Variants in FGF14 observed in about 807,000 individuals in gnomAD.
FGF14 encodes fibroblast growth factor homologous factor 4.
In FGF14, 5 loss-of-function variants were observed where a neutral mutation model predicts 25.5. The ratio of observed to expected loss-of-function variants is 0.20; its 90% CI spans 0.10 to 0.41. The LOEUF is 0.41. Ranked by LOEUF, FGF14 falls within the 10% of genes least tolerant of loss-of-function variation. The pLI, the probability that FGF14 is intolerant of heterozygous loss-of-function variation, is 1.00. For synonymous variants in FGF14, 138 were observed against 118.3 expected (o/e 1.17, Z -1.08); for missense variants, 222 against 320.1 (o/e 0.69, Z 2.34).
intron 1 of FGF14, among the ~76,000 whole-genome samples, chr13:102,336,294 T>C (rs913901842): frequency 1.3e-5 from 2 of 152,170 alleles, no homozygotes; most frequent in African/African-American, 4.8e-5. Context: ...GACCGCCTTA[T>C]TGCTGGTATG....
chr13:102,106,182 T>TG (rs1459746988), intron 1 of FGF14, among the ~76,000 whole-genome samples: 2 of 152,204 alleles, frequency 1.3e-5, no homozygotes, highest in African/African-American at 2.4e-5. Flanking sequence ...AGTAAGTCAA[T>TG]GTAGTGCTGA....
In FGF14 at chr13:102,264,720, G is replaced by C. The variant is rs543839670; in HGVS notation, c.208+136751C>G. On this transcript the variant is annotated intron_variant, in intron 1 of 4. Coordinates refer to the FGF14 transcript ENST00000376131. The stretch of plus-strand genomic sequence containing the variant: ...GAGTCAAAAAGGGCAAGAGGGGAGT[G>C]GTTATTTAAACCTGGAGTCAGAGAA... Among the ~76,000 whole-genome samples the C allele has an allele frequency of 9.5e-4, 145 of 152,262 alleles. 6 individuals carry two copies. In the South Asian group the frequency reaches 0.029, roughly 31 times the overall value.
At chr13:101,959,120 A>G (rs563926271) in intron 1 of FGF14, among the ~76,000 whole-genome samples, 5 of 152,246 alleles carry the variant, frequency 3.3e-5, no homozygotes, top group East Asian at 3.9e-4. Context: ...AGATTCTCAT[A>G]AGGAGTGCAC....
chr13:102,395,411 G>T (rs367789451), intron 1 of FGF14: 8 of 152,304 alleles, frequency 5.3e-5, no homozygotes, highest in African/African-American at 1.9e-4. Flanking sequence ...CGAGAGGCTC[G>T]AGTGTGAACA....
intron 3 of FGF14, among the ~76,000 whole-genome samples, chr13:101,769,677 T>A (rs975622615): frequency 6.6e-6 from 1 of 152,120 alleles, no homozygotes; most frequent in African/African-American, 2.4e-5. Flanking sequence ...AACTTACGTG[T>A]GTATTACTAA....
chr13:102,400,543 C>A lies in FGF14; in HGVS notation c.208+928G>T, dbSNP rs564894871. Among the ~76,000 whole-genome samples the A allele has an allele frequency of 1.3e-5, 2 of 152,320 alleles. No homozygotes were observed. The highest frequency in any genetic ancestry group is 4.8e-5 in the African/African-American group (2 of 41,578). ...GGTTGCTCGCCCACAGCTCCGCGGCCGCCCCCAATCGCCTCGGACTGAGAC... is the reference window on the plus strand; with the variant it reads ...GGTTGCTCGCCCACAGCTCCGCGGCAGCCCCCAATCGCCTCGGACTGAGAC... On this transcript the variant is annotated intron_variant, in intron 1 of 4. Transcript: ENST00000376131. This position sits in a 1 kb window ranked among gnomAD's most constrained non-coding sequence, Gnocchi z 4.3.
At chr13:102,392,881 G>A (rs1000775960) in intron 1 of FGF14, among the ~76,000 whole-genome samples, 9 of 152,132 alleles carry the variant, frequency 5.9e-5, no homozygotes, top group African/African-American at 1.9e-4. Flanking sequence ...TGTTTTCCAC[G>A]CTGTAGTCAT....
At chr13:102,161,260 G>A (rs1229491709) in intron 1 of FGF14, among the ~76,000 whole-genome samples, 1 of 151,984 alleles carries the variant, frequency 6.6e-6, no homozygotes, top group African/African-American at 2.4e-5. Flanking sequence ...AAAAGGAAGA[G>A]CGGTTGTCAG....
rs2138781686 is a variant in FGF14, at chr13:101,879,337, A to C, written c.194-4041T>G. On this transcript the variant is annotated intron_variant, in intron 1 of 4. Coordinates refer to ENST00000376143, the MANE Select transcript of FGF14 (RefSeq NM_004115.4). ...TATTAAAATAGAAATAATGAAAACT[A>C]ATGTGCATACATATCAAGAAAAAAA... 2.0e-5 allele frequency among the ~76,000 whole-genome samples: 3 copies of C among 152,352 alleles called. No individual in the cohort carries two copies. In the South Asian group the frequency reaches 6.2e-4, roughly 32 times the overall value.
intron 1 of FGF14, among the ~76,000 whole-genome samples, chr13:102,341,440 G>A (rs561510022): frequency 1.4e-4 from 21 of 152,242 alleles, no homozygotes; most frequent in African/African-American, 5.1e-4. Context: ...TGCAGATTGT[G>A]TGTTGAAGAC....
At chr13:101,845,133 C>G (rs558974111) in intron 3 of FGF14, among the ~76,000 whole-genome samples, 2 of 152,106 alleles carry the variant, frequency 1.3e-5, no homozygotes, top group South Asian at 2.1e-4. Context: ...GACAATAATA[C>G]AGTACGCCTT....
intron 1 of FGF14, among the ~76,000 whole-genome samples, chr13:101,931,607 C>T (rs928313832): frequency 1.9e-4 from 29 of 152,180 alleles, no homozygotes; most frequent in Admixed American, 1.6e-3. Flanking sequence ...CTACCCTCAG[C>T]GGCTAGCACT....
At chr13:102,287,127 TA>T (rs1195119613) in intron 1 of FGF14, among the ~76,000 whole-genome samples, 14 of 150,298 alleles carry the variant, frequency 9.3e-5, no homozygotes, top group South Asian at 8.4e-4. Context: ...TAAAGTACAA[TA>T]AAAAAAAAGA....
chr13:102,386,754 T>G (rs2058313785), intron 1 of FGF14, among the ~76,000 whole-genome samples: 1 of 152,202 alleles, frequency 6.6e-6, no homozygotes, highest in African/African-American at 2.4e-5. Context: ...TGTTCGTGAC[T>G]CCGAAGTGGC....
At chr13:102,387,795 A>C (rs2058340704) in intron 1 of FGF14, among the ~76,000 whole-genome samples, 1 of 151,944 alleles carries the variant, frequency 6.6e-6, no homozygotes, top group African/African-American at 2.4e-5. Flanking sequence ...GCAGTGGCAC[A>C]ATCTCGGCTC....
At chr13:101,985,643 C>A (rs765320249) in intron 1 of FGF14, among the ~76,000 whole-genome samples, 35 of 152,008 alleles carry the variant, frequency 2.3e-4, no homozygotes, top group Non-Finnish European at 5.0e-4. Context: ...AATAAAGAAA[C>A]CTGAAAATAT....
At chr13:102,219,012 T>C (rs1275372580) in intron 1 of FGF14, among the ~76,000 whole-genome samples, 1 of 152,164 alleles carries the variant, frequency 6.6e-6, no homozygotes, top group Non-Finnish European at 1.5e-5. Context: ...CAATGCATAA[T>C]AATCACATAT....
intron 1 of FGF14, among the ~76,000 whole-genome samples, chr13:101,893,112 T>C (rs1360468493): frequency 6.6e-6 from 1 of 152,090 alleles, no homozygotes; most frequent in Admixed American, 6.6e-5. Context: ...AAGGACTTAA[T>C]TGTGAGAGTA....
chr13:101,714,660 A>G lies in FGF14; in HGVS notation c.*8171T>C. On this transcript the variant is annotated 3_prime_UTR_variant, in exon 5 of 5. Coordinates refer to ENST00000376143, the MANE Select transcript of FGF14 (RefSeq NM_004115.4). ...GCTGGACCAACAGGGCCAACCGTGA[A>G]TATGAAATATCTACCAAAGGCGAAG... 2 of 703,798 alleles carry G rather than the reference A, an allele frequency of 2.8e-6. No individual in the cohort carries two copies. The highest frequency in any genetic ancestry group is 1.7e-5 in the South Asian group (1 of 58,002). The allele number at this position is 703,798 out of a possible 1,614,324, so 43.6% of individuals were successfully genotyped here.
Sources: allele counts gnomAD v4.1 joint callset (sites outside exome capture counted in the v4.1 genomes callset), GRCh38; gene constraint gnomAD v4.1.1; non-coding constraint Gnocchi (gnomAD v3.1); transcripts MANE v1.5; gene names NCBI Gene and HGNC (gene_info 2026-07-23, HGNC 2026-07-21).